Variants in NAV2 observed in about 807,000 individuals in gnomAD.
NAV2 encodes helicase, APC down-regulated 1.
NAV2 carries 54 observed loss-of-function variants against 223.2 expected under a neutral mutation model. That is an observed-to-expected ratio of 0.24 (90% CI 0.19 to 0.30). The LOEUF is 0.30. Among genes scored for constraint, NAV2 ranks in the 10% least tolerant of loss-of-function variants. NAV2 has a pLI of 1.00. For synonymous variants in NAV2, 1,279 were observed against 1,239.3 expected (o/e 1.03, Z -0.67); for missense variants, 2,806 against 3,147.5 (o/e 0.89, Z 2.60).
intron 6 of NAV2, among the ~76,000 whole-genome samples, chr11:19,898,802 A>T (rs2042211133): frequency 6.6e-6 from 1 of 152,212 alleles, no homozygotes; most frequent in South Asian, 2.1e-4. Context: ...TTCTCTACAT[A>T]CTTGATAGCA....
chr11:19,822,239 G>C (rs913015321), intron 1 of NAV2, among the ~76,000 whole-genome samples: 1 of 152,190 alleles, frequency 6.6e-6, no homozygotes, highest in African/African-American at 2.4e-5. Flanking sequence ...GTCTCAGATA[G>C]GGTAATTCTG....
At position 19,933,472 on chromosome 11, in the gene NAV2, A is replaced by T. The variant is rs1412245508; in HGVS notation, c.1228A>T (p.Ser410Cys). Residue 410 changes from serine to cysteine, a missense_variant, in exon 7 of 38, where the codon AGT (serine) becomes TGT (cysteine). Ser to Cys is a moderately radical substitution (Grantham distance 112). Coordinates refer to ENST00000349880, the MANE Select transcript of NAV2 (RefSeq NM_145117.5). This position sits in a 1 kb window ranked among gnomAD's most constrained non-coding sequence, Gnocchi z 4.3. ...SMLEKLKLFN[S>C]KGGSKAGEGP... ...GCTGGAAAAGCTGAAACTTTTCAACAGTAAAGGGGGCTCAAAGGCAGGTGA... is the reference window on the plus strand; with the variant it reads ...GCTGGAAAAGCTGAAACTTTTCAACTGTAAAGGGGGCTCAAAGGCAGGTGA... 1 of 1,608,876 alleles carries T rather than the reference A, an allele frequency of 6.2e-7. No individual in the cohort carries two copies. Among genetic ancestry groups the T allele is most frequent in the Non-Finnish European group, 8.5e-7 (1 of 1,177,876 alleles).
At chr11:19,790,250 G>A (rs1187606629) in intron 1 of NAV2, among the ~76,000 whole-genome samples, 1 of 152,156 alleles carries the variant, frequency 6.6e-6, no homozygotes, top group Non-Finnish European at 1.5e-5. Flanking sequence ...GCCCAATTCA[G>A]AGAACCATAT....
intron 1 of NAV2, among the ~76,000 whole-genome samples, chr11:19,816,047 T>C (rs1221362779): frequency 6.6e-6 from 1 of 152,156 alleles, no homozygotes. Flanking sequence ...GGTGCCAGCT[T>C]GGTGTTTGGT....
chr11:19,897,886 T>TATATATATATATA (rs1555129987), intron 6 of NAV2, among the ~76,000 whole-genome samples: 10 of 120,674 alleles, frequency 8.3e-5, no homozygotes, highest in African/African-American at 2.7e-4. Context: ...GACCTGTGAT[T>TATATATATATATA]TATATATATA....
chr11:19,512,537 T>C (rs1043102680), intron 1 of NAV2, among the ~76,000 whole-genome samples: 6 of 152,166 alleles, frequency 3.9e-5, no homozygotes, highest in Non-Finnish European at 7.4e-5. Flanking sequence ...GCTGGTAGGC[T>C]AAAACCACAA....
At chr11:19,944,747 T>G (rs2046734654) in intron 8 of NAV2, among the ~76,000 whole-genome samples, 1 of 147,888 alleles carries the variant, frequency 6.8e-6, no homozygotes, top group Non-Finnish European at 1.5e-5. Context: ...CTCCCCTCCC[T>G]TCCCTTTCTT....
rs1270993469 is a variant in NAV2 at position 20,119,089 on chromosome 11, C to T, written c.*831C>T. Reference sequence around the variant, plus strand: ...GTTTTTTTTTTTTTTTTTCTGCAAACACTGTGTATAGTGAGACTTGTTCTA... The same window carrying T: ...GTTTTTTTTTTTTTTTTTCTGCAAATACTGTGTATAGTGAGACTTGTTCTA... On this transcript the variant is annotated 3_prime_UTR_variant, in exon 38 of 38. Coordinates refer to ENST00000349880, the MANE Select transcript of NAV2 (RefSeq NM_145117.5). The T allele has an allele frequency of 6.8e-6, 1 of 147,142 alleles. No individual in the cohort carries two copies. Among genetic ancestry groups the T allele is most frequent in the African/African-American group, 2.5e-5 (1 of 39,276 alleles). The allele number at this position is 147,142 out of a possible 1,614,324, so 9.1% of individuals were successfully genotyped here. A position where few individuals can be genotyped will look rare whatever the true frequency, so the allele number is the denominator to read the frequency against.
chr11:19,948,035 G>C (rs1056519394), intron 9 of NAV2, among the ~76,000 whole-genome samples: 1 of 152,058 alleles, frequency 6.6e-6, no homozygotes, highest in Admixed American at 6.5e-5. Context: ...ATCCTAATCA[G>C]TTCAGCATTT....
At chr11:19,654,493 A>G (rs1428248328) in intron 1 of NAV2, among the ~76,000 whole-genome samples, 3 of 152,162 alleles carry the variant, frequency 2.0e-5, no homozygotes, top group African/African-American at 4.8e-5. Context: ...TTCAAACTAT[A>G]CTACAAGGCT....
intron 10 of NAV2, among the ~76,000 whole-genome samples, chr11:19,980,246 G>A (rs1457360405): frequency 1.3e-5 from 2 of 152,190 alleles, no homozygotes; most frequent in South Asian, 4.1e-4. Context: ...GGTGGATGCG[G>A]AGAGCCGCCT....
chr11:20,106,183 G>GTGTGTGTGTGTGTGTA (rs1394737236), intron 35 of NAV2, among the ~76,000 whole-genome samples: 4 of 25,538 alleles, frequency 1.6e-4, no homozygotes, highest in Admixed American at 3.9e-4. Flanking sequence ...ATATGTGTGT[G>GTGTGTGTGTGTGTGTA]TATATATATA....
In NAV2 at chr11:19,660,853, G is replaced by A. The variant is rs370447859; in HGVS notation, c.76-171631G>A. Among the ~76,000 whole-genome samples, 29 of 152,250 alleles carry A rather than the reference G, an allele frequency of 1.9e-4. 1 individual carries two copies. The East Asian group carries it at 1.9e-3, about 10-fold the overall frequency. On this transcript the variant is annotated intron_variant, in intron 1 of 37. Coordinates refer to the NAV2 transcript ENST00000360655. The stretch of plus-strand genomic sequence containing the variant: ...TATAGTAGTAGTAGCAATCATAATA[G>A]CACTTTTCTGTGCAAATGCTCTAAA...
chr11:19,461,886 C>T (rs566871509), intron 1 of NAV2, among the ~76,000 whole-genome samples: 3 of 152,276 alleles, frequency 2.0e-5, no homozygotes, highest in East Asian at 3.9e-4. Flanking sequence ...CCTCACTGCA[C>T]CCTCCGCCTC....
chr11:19,369,701 G>A (rs1322629734), intron 1 of NAV2, among the ~76,000 whole-genome samples: 2 of 152,088 alleles, frequency 1.3e-5, no homozygotes, highest in African/African-American at 4.8e-5. Flanking sequence ...CAGTTTGGGG[G>A]CCATTTCCTT....
chr11:20,004,797 T>C (rs1265986494), intron 11 of NAV2, among the ~76,000 whole-genome samples: 1 of 152,196 alleles, frequency 6.6e-6, no homozygotes, highest in African/African-American at 2.4e-5. Flanking sequence ...GGGTTTCTCG[T>C]CTGCCATTCC....
In NAV2 at chr11:20,023,301, G is replaced by A. The variant is rs567047524; in HGVS notation, c.2769-12658G>A. Among the ~76,000 whole-genome samples, 215 of 144,086 alleles carry A rather than the reference G, an allele frequency of 1.5e-3. 2 individuals carry two copies. Among genetic ancestry groups the A allele is most frequent in the African/African-American group, 5.1e-3 (203 of 39,648 alleles). The allele number at this position is 144,086 out of a possible 152,430, so 94.5% of individuals were successfully genotyped here. On this transcript the variant is annotated intron_variant, in intron 11 of 37. Transcript: ENST00000349880. The stretch of plus-strand genomic sequence containing the variant: ...GTGAGTGGGGGTGGGAGGGGGCGGG[G>A]GGCAAGGTTGCTGGTCAGGAAATTC...
intron 10 of NAV2, among the ~76,000 whole-genome samples, chr11:19,976,659 G>A (rs2049784720): frequency 6.6e-6 from 1 of 152,218 alleles, no homozygotes; most frequent in African/African-American, 2.4e-5. Context: ...TCCTGAGTGA[G>A]TTCACTTCTG....
At chr11:19,926,768 C>G (rs1400046731) in intron 6 of NAV2, among the ~76,000 whole-genome samples, 1 of 152,162 alleles carries the variant, frequency 6.6e-6, no homozygotes, top group Non-Finnish European at 1.5e-5. Flanking sequence ...GGCCTGTTCT[C>G]CAAAGACTTG....
Sources: gnomAD v4.1 joint callset for allele counts (sites outside exome capture counted in the v4.1 genomes callset) on GRCh38, gnomAD v4.1.1 for gene constraint, Gnocchi (gnomAD v3.1) non-coding constraint, MANE v1.5 for transcripts, NCBI Gene and HGNC (gene_info 2026-07-23, HGNC 2026-07-21) for gene names.